DOCK4: variants seen among roughly 807,000 people sequenced by gnomAD.
The protein encoded by DOCK4 is dedicator of cytokinesis 4, also known as dedicator of cytokinesis protein 4.
DOCK4 carries 97 observed loss-of-function variants against 268.1 expected under a neutral mutation model. The ratio of observed to expected loss-of-function variants is 0.36; its 90% CI spans 0.31 to 0.43. The LOEUF (loss-of-function observed/expected upper bound fraction) is 0.43. Among genes scored for constraint, DOCK4 ranks in the 20% least tolerant of loss-of-function variants. The probability of loss-of-function intolerance (pLI) is 1.00; values close to 1 mark genes in which losing one functional copy is unlikely to be tolerated. For missense variants in DOCK4, 2,145 were observed against 2,455.7 expected, an observed-to-expected ratio of 0.87 and a Z score of 2.67; for synonymous variants, 954 against 887.2, an observed-to-expected ratio of 1.08 and a Z score of -1.34.
chr7:111,934,505 ATGTTTTGTTTTGTTTT>A (rs1365541643), intron 12 of DOCK4, among the ~76,000 whole-genome samples: 1 of 134,408 alleles, frequency 7.4e-6, no homozygotes, highest in Non-Finnish European at 1.6e-5. Context: ...GCAGCGAAGC[ATGTTTTGTTTTGTTTT>A]TGTTTTTTTT....
At chr7:111,994,809 T>C (rs568668412) in intron 4 of DOCK4, among the ~76,000 whole-genome samples, 1 of 152,322 alleles carries the variant, frequency 6.6e-6, no homozygotes, top group African/African-American at 2.4e-5. Flanking sequence ...CTAAGTAATG[T>C]TATCATACAG....
At chr7:111,890,287 G>A (rs1290907757) in intron 16 of DOCK4, among the ~76,000 whole-genome samples, 1 of 152,162 alleles carries the variant, frequency 6.6e-6, no homozygotes. Context: ...GGTAGCTGAA[G>A]AAGCTTAGCC....
At position 111,728,340 on chromosome 7, in the gene DOCK4, A is replaced by G. The variant is rs773572417; in HGVS notation, c.5862T>C (p.Asn1954=). Residue 1954 remains asparagine, a synonymous_variant, in exon 53 of 53, where the codon AAT becomes AAC. Coordinates refer to ENST00000428084, the MANE Select transcript of DOCK4 (RefSeq NM_001363540.2). ...GGCCGGGGTCAGTCCTCCGGGCCCC[A>G]TTCTCCAGGTGGCTGGATCGCGCTG... The part of the protein sequence containing the change: ...PLAARSSHLE[N]GARRTDPGPR... 18 of 1,519,604 alleles carry G rather than the reference A, an allele frequency of 1.2e-5. No homozygotes were observed. Among genetic ancestry groups the G allele is most frequent in the Non-Finnish European group, 1.6e-5 (18 of 1,136,204 alleles). 94.1% of individuals were successfully genotyped at this position (1,519,604 alleles called of 1,614,324 possible). A position where few individuals can be genotyped will look rare whatever the true frequency, so the allele number is the denominator to read the frequency against.
intron 8 of DOCK4, among the ~76,000 whole-genome samples, chr7:111,967,302 G>GA (rs1797378173): frequency 5.4e-5 from 1 of 18,600 alleles, no homozygotes; most frequent in Non-Finnish European, 8.0e-5. Flanking sequence ...TGTTTATCTA[G>GA]AAAACCCCAT....
At chr7:112,055,798 C>T (rs1195237405) in intron 1 of DOCK4, among the ~76,000 whole-genome samples, 1 of 151,772 alleles carries the variant, frequency 6.6e-6, no homozygotes, top group Non-Finnish European at 1.5e-5. Context: ...AACCCAGCTA[C>T]TCAGAAGGCC....
intron 1 of DOCK4, among the ~76,000 whole-genome samples, chr7:112,007,003 G>A (rs1344568230): frequency 6.6e-6 from 1 of 152,128 alleles, no homozygotes; most frequent in Non-Finnish European, 1.5e-5. Context: ...TATTTAGGGG[G>A]TTGCCTTCTT....
chr7:112,143,532 T>C (rs1334834752), intron 1 of DOCK4, among the ~76,000 whole-genome samples: 1 of 152,132 alleles, frequency 6.6e-6, no homozygotes, highest in East Asian at 1.9e-4. Context: ...TTTACCTAGG[T>C]TTAAATTGTA....
At chr7:112,003,728 G>A (rs1399980006) in intron 2 of DOCK4, among the ~76,000 whole-genome samples, 1 of 152,194 alleles carries the variant, frequency 6.6e-6, no homozygotes, top group Non-Finnish European at 1.5e-5. Context: ...TTCCTGTCCT[G>A]TGGGATCTAC....
intron 12 of DOCK4, among the ~76,000 whole-genome samples, chr7:111,923,256 C>T (rs1328389753): frequency 6.6e-6 from 1 of 152,190 alleles, no homozygotes; most frequent in Non-Finnish European, 1.5e-5. Context: ...GGGACTTCAG[C>T]ATTTGCAAAT....
At chr7:111,906,602 C>T (rs1791595371) in intron 13 of DOCK4, among the ~76,000 whole-genome samples, 2 of 152,120 alleles carry the variant, frequency 1.3e-5, no homozygotes. Flanking sequence ...GGTTCCAATC[C>T]CTGGAACCTA....
At chr7:112,076,010 C>T (rs1317259280) in intron 1 of DOCK4, among the ~76,000 whole-genome samples, 1 of 152,128 alleles carries the variant, frequency 6.6e-6, no homozygotes, top group Non-Finnish European at 1.5e-5. Flanking sequence ...AGAAGTGCTA[C>T]ATTTGACACT....
chr7:112,065,995 C>G (rs1306062421), intron 1 of DOCK4, among the ~76,000 whole-genome samples: 1 of 152,132 alleles, frequency 6.6e-6, no homozygotes, highest in Non-Finnish European at 1.5e-5. Flanking sequence ...AGGACACAAC[C>G]AACATACACT....
intron 22 of DOCK4, among the ~76,000 whole-genome samples, chr7:111,865,689 C>A (rs754368982): frequency 6.6e-6 from 1 of 152,170 alleles, no homozygotes; most frequent in Non-Finnish European, 1.5e-5. Context: ...GGAGATTTAT[C>A]CAGGTGGGCC....
At chr7:111,863,707 A>G in intron 22 of DOCK4, 143 bp from the exon 23 acceptor site, 1 of 925,876 alleles carries the variant, frequency 1.1e-6, no homozygotes, top group Non-Finnish European at 1.5e-6. Flanking sequence ...ACCTAAAGCT[A>G]AAAGGTAAAT....
rs750540938 is a variant in DOCK4 at position 111,847,080 on chromosome 7, A to C, written c.2520T>G (p.Ile840Met). 2.5e-6 allele frequency: 4 copies of C among 1,613,716 alleles called. No homozygotes were observed. In the Admixed American group the frequency reaches 6.7e-5, roughly 27 times the overall value. The change falls in exon 24 of 53, where the codon ATT (isoleucine) becomes ATG (methionine). Residue 840 changes from isoleucine (I) to methionine (M), a missense_variant. Ile to Met is a conservative substitution (Grantham distance 10). Transcript: ENST00000428084. ...LLPVVLHHLH[I>M]HLQEQKDLIM... ...TCAGGTCCTTCTGTTCTTGCAAGTG[A>C]ATGTGGAGGTGATGTAACACGACAG... is the stretch of plus-strand genomic sequence containing the variant.
At chr7:111,772,535 C>A (rs937533705) in intron 36 of DOCK4, among the ~76,000 whole-genome samples, 2 of 152,184 alleles carry the variant, frequency 1.3e-5, no homozygotes, top group Non-Finnish European at 2.9e-5. Flanking sequence ...GTGGTTCATA[C>A]CTGTAATCCC....
At position 112,078,836 on chromosome 7, in the gene DOCK4, T is replaced by C. The variant is rs74946322; in HGVS notation, c.38-74705A>G. On this transcript the variant is annotated intron_variant, in intron 1 of 52. Coordinates refer to ENST00000428084, the MANE Select transcript of DOCK4 (RefSeq NM_001363540.2). ...CTTTTTGATATATTATAAAGAAATA[T>C]AAAATACGGCCGGGTGCGGTGGCTC... Among the ~76,000 whole-genome samples, 204 of 152,142 alleles carry C rather than the reference T, an allele frequency of 1.3e-3. 3 individuals carry two copies. The East Asian group carries it at 0.038, about 29-fold the overall frequency.
chr7:111,801,254 G>C (rs1436561637), intron 30 of DOCK4, among the ~76,000 whole-genome samples: 1 of 152,062 alleles, frequency 6.6e-6, no homozygotes, highest in East Asian at 1.9e-4. Context: ...CAATCCTCTG[G>C]GCCCATGCAA....
chr7:111,846,930 A>C (rs563159517), intron 24 of DOCK4, 69 bp downstream of exon 24: 1 of 1,507,392 alleles, frequency 6.6e-7, no homozygotes, highest in African/African-American at 1.4e-5. Context: ...GTTTCTTTGT[A>C]GACTATTACA....
Sources: gnomAD v4.1 joint callset for allele counts (sites outside exome capture counted in the v4.1 genomes callset) on GRCh38, gnomAD v4.1.1 for gene constraint, MANE v1.5 for transcripts, NCBI Gene and HGNC (gene_info 2026-07-23, HGNC 2026-07-21) for gene names.